The following GALNT3 variants were observed in gnomAD, a reference collection of about 807,000 sequenced individuals.
GALNT3 encodes polypeptide N-acetylgalactosaminyltransferase 3.
In GALNT3, 51 loss-of-function variants were observed where a neutral mutation model predicts 69.8. That is an observed-to-expected ratio of 0.73 (90% CI 0.58 to 0.92). The LOEUF (loss-of-function observed/expected upper bound fraction) is 0.92. Ranked by LOEUF, GALNT3 falls within the 40% of genes least tolerant of loss-of-function variation. The pLI, the probability that GALNT3 is intolerant of heterozygous loss-of-function variation, is 0.00. For missense variants in GALNT3, 711 were observed against 760.0 expected, an observed-to-expected ratio of 0.94 and a Z score of 0.76; for synonymous variants, 265 against 248.5, an observed-to-expected ratio of 1.07 and a Z score of -0.63.
At position 165,748,769 on chromosome 2, in the gene GALNT3, T is replaced by C; in HGVS notation, c.*12A>G. ...AGAATATTTCCTTTTTCAACTTAAT[T>C]TTAAGGAACACTTAATCATTTTGGC... On this transcript the variant is annotated 3_prime_UTR_variant, in exon 11 of 11. Coordinates refer to ENST00000392701, the MANE Select transcript of GALNT3 (RefSeq NM_004482.4). The C allele has an allele frequency of 1.9e-6, 3 of 1,604,866 alleles. No homozygotes were observed. In the South Asian group the frequency reaches 3.3e-5, roughly 18 times the overall value.
intron 9 of GALNT3, among the ~76,000 whole-genome samples, chr2:165,753,393 T>G (rs540642408): frequency 6.6e-6 from 1 of 151,138 alleles, no homozygotes; most frequent in Non-Finnish European, 1.5e-5. Context: ...CCTCACTAGC[T>G]CCTACCTACT....
chr2:165,765,659 T>G (rs1688625909), intron 2 of GALNT3, among the ~76,000 whole-genome samples: 1 of 152,056 alleles, frequency 6.6e-6, no homozygotes, highest in African/African-American at 2.4e-5. Flanking sequence ...CGGCTAATTT[T>G]TGGTATTTTT....
intron 1 of GALNT3, chr2:165,771,476 A>G (rs1483552430): frequency 6.6e-6 from 1 of 152,240 alleles, no homozygotes; most frequent in Non-Finnish European, 1.5e-5. Context: ...TAGTAAAAAG[A>G]GAATTCATTA....
intron 2 of GALNT3, among the ~76,000 whole-genome samples, chr2:165,768,791 TC>T (rs1688693582): frequency 1.3e-5 from 1 of 74,128 alleles, no homozygotes; most frequent in South Asian, 6.9e-4. Flanking sequence ...TATCTTGTAC[TC>T]TTTTTTTTTT....
rs112248829 is a variant in GALNT3, at chr2:165,780,159, A to G, written c.-108-9351T>C. ...ATACACAGCTCCAGTCTTGCCACCA[A>G]GACTCCTGTTTATGGGCCCACTGAG... On this transcript the variant is annotated intron_variant, in intron 1 of 10. Transcript: ENST00000392701. 5.4e-3 allele frequency among the ~76,000 whole-genome samples: 819 copies of G among 152,272 alleles called. 10 individuals carry two copies. Among genetic ancestry groups the G allele is most frequent in the African/African-American group, 0.019 (787 of 41,538 alleles).
intron 1 of GALNT3, among the ~76,000 whole-genome samples, chr2:165,779,381 T>C (rs1046108402): frequency 3.2e-4 from 49 of 152,224 alleles, no homozygotes; most frequent in African/African-American, 1.1e-3. Context: ...CACTTTTCAC[T>C]ACTCAGCTTC....
intron 5 of GALNT3, among the ~76,000 whole-genome samples, 198 bp downstream of exon 5, chr2:165,759,138 C>T (rs531300316): frequency 6.6e-6 from 1 of 152,268 alleles, no homozygotes; most frequent in South Asian, 2.1e-4. Flanking sequence ...CATAAGAGCT[C>T]ACTCACTGCT....
At chr2:165,762,851 A>G (rs979722095) in intron 3 of GALNT3, among the ~76,000 whole-genome samples, 2 of 152,170 alleles carry the variant, frequency 1.3e-5, no homozygotes, top group African/African-American at 4.8e-5. Context: ...GGTGGAGTGC[A>G]GTGGCACAAC....
chr2:165,793,271 C>T (rs998626092), intron 1 of GALNT3, among the ~76,000 whole-genome samples: 1 of 152,154 alleles, frequency 6.6e-6, no homozygotes, highest in Non-Finnish European at 1.5e-5. Flanking sequence ...TATGCAGGTC[C>T]TTAAGTCAAC....
chr2:165,762,968 CTT>C (rs3032482), intron 3 of GALNT3, among the ~76,000 whole-genome samples: 415 of 140,952 alleles, frequency 2.9e-3, no homozygotes, highest in Non-Finnish European at 3.3e-3. Context: ...CTTTTCTTTT[CTT>C]TTTTTTTTTT....
At chr2:165,779,848 CACTA>C (rs2105224402) in intron 1 of GALNT3, among the ~76,000 whole-genome samples, 1 of 152,294 alleles carries the variant, frequency 6.6e-6, no homozygotes, top group Non-Finnish European at 1.5e-5. Context: ...TTCTTTCTTA[CACTA>C]ACTACTACTC....
chr2:165,781,869 T>C (rs1683117895), intron 1 of GALNT3, among the ~76,000 whole-genome samples: 3 of 152,184 alleles, frequency 2.0e-5, no homozygotes, highest in African/African-American at 7.2e-5. Flanking sequence ...TATTGTTGGC[T>C]CTGCTAGATA....
chr2:165,758,329 T>C (rs958905410), intron 6 of GALNT3, among the ~76,000 whole-genome samples: 6 of 152,226 alleles, frequency 3.9e-5, no homozygotes, highest in African/African-American at 1.2e-4. Context: ...TATTAACTTA[T>C]AATATGTATA....
intron 10 of GALNT3, 116 bp from the exon 11 acceptor site, chr2:165,749,019 G>T: frequency 9.2e-7 from 1 of 1,088,468 alleles, no homozygotes; most frequent in Non-Finnish European, 1.3e-6. Context: ...TTTCTAAGGT[G>T]AGCCATGTCT....
intron 4 of GALNT3, among the ~76,000 whole-genome samples, chr2:165,760,662 G>C (rs1017036216): frequency 6.6e-6 from 1 of 152,104 alleles, no homozygotes; most frequent in Non-Finnish European, 1.5e-5. Flanking sequence ...TATTAAAAGA[G>C]AACTGAATGT....
intron 7 of GALNT3, among the ~76,000 whole-genome samples, chr2:165,755,826 G>A (rs1401009972): frequency 1.3e-5 from 2 of 152,160 alleles, no homozygotes; most frequent in African/African-American, 2.4e-5. Flanking sequence ...CAACTTTGAT[G>A]TCTTGAACCC....
intron 1 of GALNT3, among the ~76,000 whole-genome samples, chr2:165,785,413 G>A (rs1002059162): frequency 6.6e-6 from 1 of 152,126 alleles, no homozygotes. Flanking sequence ...TACCTCTGGG[G>A]AAGAAAACTG....
In GALNT3 at chr2:165,770,569, T is replaced by G. The variant is rs149809222; in HGVS notation, c.132A>C (p.Gln44His). Residue 44 changes from glutamine to histidine, a missense_variant, in exon 2 of 11, where the codon CAA becomes CAC. Coordinates refer to ENST00000392701, the MANE Select transcript of GALNT3 (RefSeq NM_004482.4). ...CCATCCTTGATTCCTCTTTGGAATA[T>G]TGAACACTTACTTCTCTTTGCATTA... ...LVLMQREVSV[Q>H]YSKEESRMER... 3 of 1,613,392 alleles carry G rather than the reference T, an allele frequency of 1.9e-6. No homozygotes were observed. The highest frequency in any genetic ancestry group is 1.7e-4 in the Middle Eastern group (1 of 6,060).
chr2:165,760,119 A>G (rs1688518167), intron 4 of GALNT3, among the ~76,000 whole-genome samples: 1 of 152,204 alleles, frequency 6.6e-6, no homozygotes, highest in Non-Finnish European at 1.5e-5. Context: ...ATGTGTTAAA[A>G]TGGCCTATGA....
Sources: gnomAD v4.1 joint callset for allele counts (sites outside exome capture counted in the v4.1 genomes callset) on GRCh38, gnomAD v4.1.1 for gene constraint, MANE v1.5 for transcripts, NCBI Gene and HGNC (gene_info 2026-07-23, HGNC 2026-07-21) for gene names.